TRIM38: variants seen among roughly 807,000 people sequenced by gnomAD.
TRIM38 encodes the protein tripartite motif containing 38, also known as E3 ubiquitin-protein ligase TRIM38.
TRIM38 carries 35 observed loss-of-function variants against 35.8 expected under a neutral mutation model. That is an observed-to-expected ratio of 0.98 (90% CI 0.75 to 1.30). The LOEUF (loss-of-function observed/expected upper bound fraction) is 1.30. Among genes scored for constraint, TRIM38 ranks in the 50% most tolerant of loss-of-function variants. The pLI is 0.00. For synonymous variants in TRIM38, 198 were observed against 204.7 expected, an observed-to-expected ratio of 0.97 and a Z score of 0.28; for missense variants, 545 against 556.9, an observed-to-expected ratio of 0.98 and a Z score of 0.21.
At position 25,973,066 on chromosome 6, in the gene TRIM38, A is replaced by G; in HGVS notation, c.751A>G (p.Thr251Ala). 6.2e-7 allele frequency: 1 copy of G among 1,614,122 alleles called. No individual in the cohort carries two copies. The highest frequency in any genetic ancestry group is 8.5e-7 in the Non-Finnish European group (1 of 1,180,012). Reference sequence around the variant, plus strand: ...TGTTTCTTTATAGAATGTGAATGACACTTTGAGCAGGTAAGTCCTGTTTGA... The same window carrying G: ...TGTTTCTTTATAGAATGTGAATGACGCTTTGAGCAGGTAAGTCCTGTTTGA... ...AQKLLQNVNDTLSRSWAVKLE... is the reference protein window; with the variant it reads ...AQKLLQNVNDALSRSWAVKLE... Residue 251 changes from threonine (T) to alanine (A), a missense_variant, in exon 6 of 8, where the codon ACT becomes GCT. Transcript: ENST00000357085.
rs1760283941 is a variant in TRIM38 at position 25,972,985 on chromosome 6, G to C, written c.739-69G>C. 1.9e-6 allele frequency: 3 copies of C among 1,598,728 alleles called. No individual in the cohort carries two copies. In the African/African-American group the frequency reaches 4.0e-5, roughly 21 times the overall value. ...TCTTCGGGTAAAGCAAAGAAGAATA[G>C]CCCTGCATGACAAGCCCCATGAAAT... On this transcript the variant is annotated intron_variant, in intron 5 of 7. Coordinates refer to ENST00000357085, the MANE Select transcript of TRIM38 (RefSeq NM_006355.5).
intron 7 of TRIM38, among the ~76,000 whole-genome samples, chr6:25,980,820 A>G (rs1056343175): frequency 6.6e-6 from 1 of 152,134 alleles, no homozygotes; most frequent in Non-Finnish European, 1.5e-5. Context: ...CAATCTTTCT[A>G]TATGTTTTTG....
intron 7 of TRIM38, among the ~76,000 whole-genome samples, chr6:25,979,716 AT>A (rs1237133011): frequency 2.0e-5 from 3 of 149,270 alleles, no homozygotes; most frequent in Non-Finnish European, 4.5e-5. Flanking sequence ...TTTAATATCT[AT>A]TTTTTCTTTT....
chr6:25,979,533 A>G lies in TRIM38; in HGVS notation c.875-3631A>G, dbSNP rs559986218. Reference sequence around the variant, plus strand: ...CATAAGATTTATTATAAAGTTCTGTAATATTTAAAAAGTTTCTGTATTCAT... The same window carrying G: ...CATAAGATTTATTATAAAGTTCTGTGATATTTAAAAAGTTTCTGTATTCAT... On this transcript the variant is annotated intron_variant, in intron 7 of 7. Coordinates refer to ENST00000357085, the MANE Select transcript of TRIM38 (RefSeq NM_006355.5). Among the ~76,000 whole-genome samples, 3 of 152,180 alleles carry G rather than the reference A, an allele frequency of 2.0e-5. No homozygotes were observed. The South Asian group carries it at 6.2e-4, about 32-fold the overall frequency.
rs1760803598 is a variant in TRIM38, at chr6:25,990,075, A to G, written c.*6388A>G. ...ACTATGTTGCCCAGGCTGGTCTCCA[A>G]CTTCTGGGCTCAAACAATCCTCCCT... On this transcript the variant is annotated 3_prime_UTR_variant, in exon 8 of 8. Transcript: ENST00000357085. 1 of 151,410 alleles carries G rather than the reference A, an allele frequency of 6.6e-6. No homozygotes were observed. Among genetic ancestry groups the G allele is most frequent in the Admixed American group, 6.6e-5 (1 of 15,212 alleles). 9.4% of individuals were successfully genotyped at this position (151,410 alleles called of 1,614,324 possible).
At chr6:25,971,452 C>T (rs919650236) in intron 4 of TRIM38, among the ~76,000 whole-genome samples, 1 of 152,128 alleles carries the variant, frequency 6.6e-6, no homozygotes, top group Non-Finnish European at 1.5e-5. Context: ...ATATATATAA[C>T]ACTTAAGCAT....
In TRIM38 at chr6:25,974,275, T is replaced by A. The variant is rs541246710; in HGVS notation, c.874+990T>A. ...TTGCAGGACTTTGGCCCTGGTTATT[T>A]CTGGCTGTTGGCTGGAGGTTGCCCA... is the stretch of plus-strand genomic sequence containing the variant. On this transcript the variant is annotated intron_variant, in intron 7 of 7. Coordinates refer to ENST00000357085, the MANE Select transcript of TRIM38 (RefSeq NM_006355.5). Among the ~76,000 whole-genome samples the A allele has an allele frequency of 4.6e-5, 7 of 152,312 alleles. No individual in the cohort carries two copies. The East Asian group carries it at 1.2e-3, about 25-fold the overall frequency.
chr6:25,964,825 T>C (rs1759967814), intron 2 of TRIM38, among the ~76,000 whole-genome samples: 1 of 151,716 alleles, frequency 6.6e-6, no homozygotes, highest in Non-Finnish European at 1.5e-5. Context: ...CTTTTTTTTT[T>C]TTTTAAGACA....
rs137934748 is a variant in TRIM38, at chr6:25,973,259, T to G, written c.848T>G (p.Val283Gly). The change falls in exon 7 of 8, where the codon GTG becomes GGG. Residue 283 changes from valine (V) to glycine (G), a missense_variant. Transcript: ENST00000357085. ...MCNVSKLYFD[V>G]KKMLRSHQVS... The stretch of plus-strand genomic sequence containing the variant: ...AATGTTTCCAAGCTTTACTTCGATG[T>G]GAAGAAAATGTTAAGGAGTCATCAA... 5 of 1,613,802 alleles carry G rather than the reference T, an allele frequency of 3.1e-6. No homozygotes were observed. Among genetic ancestry groups the G allele is most frequent in the African/African-American group, 1.3e-5 (1 of 74,916 alleles).
At chr6:25,964,350 T>C (rs917894702) in intron 2 of TRIM38, among the ~76,000 whole-genome samples, 3 of 152,132 alleles carry the variant, frequency 2.0e-5, no homozygotes, top group Non-Finnish European at 4.4e-5. Flanking sequence ...AAGGGTGATA[T>C]CAGGAGAATA....
rs1760070005 is a variant in TRIM38, at chr6:25,966,796, T to C, written c.274T>C (p.Ser92Pro). The C allele has an allele frequency of 6.2e-7, 1 of 1,614,176 alleles. No individual in the cohort carries two copies. The highest frequency in any genetic ancestry group is 8.5e-7 in the Non-Finnish European group (1 of 1,180,036). The change falls in exon 3 of 8, where the codon TCA becomes CCA. Residue 92 changes from serine (S) to proline (P), a missense_variant. By Grantham distance (74) the Ser-to-Pro change is moderately conservative (BLOSUM62 -1). Transcript: ENST00000357085. ...CCTCAAAGAGACGGATCAAGAAATG[T>C]CATGTGAGGAACACGGAGAGCAGTT... The part of the protein sequence containing the change: ...EALKETDQEM[S>P]CEEHGEQFHL...
intron 7 of TRIM38, among the ~76,000 whole-genome samples, chr6:25,981,656 T>A (rs1272083591): frequency 6.6e-6 from 1 of 152,210 alleles, no homozygotes; most frequent in Non-Finnish European, 1.5e-5. Flanking sequence ...TATGGAACAT[T>A]ATCTGAGGGG....
chr6:25,965,893 C>T (rs1028054633), intron 2 of TRIM38, among the ~76,000 whole-genome samples: 4 of 150,768 alleles, frequency 2.7e-5, no homozygotes, highest in African/African-American at 4.9e-5. Context: ...GCACTCCAGC[C>T]TGGGTGACAG....
chr6:25,967,231 A>G (rs922017433), intron 3 of TRIM38, among the ~76,000 whole-genome samples: 23 of 152,160 alleles, frequency 1.5e-4, no homozygotes, highest in African/African-American at 5.3e-4. Flanking sequence ...GTTTCACACC[A>G]TGAATATCAT....
Position 25,990,966 on chromosome 6 carries a change from G to C in TRIM38, c.*7279G>C, listed in dbSNP as rs1454024626. 6.6e-6 allele frequency: 1 copy of C among 152,166 alleles called. No homozygotes were observed. The highest frequency in any genetic ancestry group is 1.5e-5 in the Non-Finnish European group (1 of 68,044). The allele number at this position is 152,166 out of a possible 1,614,324, so 9.4% of individuals were successfully genotyped here. A position where few individuals can be genotyped will look rare whatever the true frequency, so the allele number is the denominator to read the frequency against. On this transcript the variant is annotated 3_prime_UTR_variant, in exon 8 of 8. Coordinates refer to ENST00000357085, the MANE Select transcript of TRIM38 (RefSeq NM_006355.5). ...AGAGTAATTCTGTTTTTCTGATAGA[G>C]AATAGAAGAGTCCTTCAGGCCCCTC... is the stretch of plus-strand genomic sequence containing the variant.
intron 3 of TRIM38, among the ~76,000 whole-genome samples, chr6:25,968,554 A>C (rs1760130884): frequency 6.6e-6 from 1 of 152,234 alleles, no homozygotes; most frequent in South Asian, 2.1e-4. Context: ...TCTTTTGCTA[A>C]AACAGTTACA....
intron 7 of TRIM38, among the ~76,000 whole-genome samples, chr6:25,977,913 G>A (rs928699192): frequency 2.0e-5 from 3 of 151,936 alleles, no homozygotes; most frequent in Non-Finnish European, 2.9e-5. Context: ...TTCTTTTCCC[G>A]TAACTATGAC....
At chr6:25,969,288 A>G (rs1438349812) in intron 3 of TRIM38, 37 bp from the exon 4 acceptor site, 4 of 1,539,192 alleles carry the variant, frequency 2.6e-6, no homozygotes, top group Non-Finnish European at 3.6e-6. Flanking sequence ...TGAAGAGTCA[A>G]ATTGAATAGG....
chr6:25,978,132 A>G (rs1430456492), intron 7 of TRIM38, among the ~76,000 whole-genome samples: 2 of 151,944 alleles, frequency 1.3e-5, no homozygotes, highest in Non-Finnish European at 2.9e-5. Context: ...ATACATATTT[A>G]TTTATATATC....
Sources: allele counts gnomAD v4.1 joint callset (sites outside exome capture counted in the v4.1 genomes callset), GRCh38; gene constraint gnomAD v4.1.1; transcripts MANE v1.5; gene names NCBI Gene and HGNC (gene_info 2026-07-23, HGNC 2026-07-21).